The following DOCK1 variants were observed in gnomAD, a reference collection of about 807,000 sequenced individuals.
DOCK1 encodes dedicator of cytokinesis 1.
A neutral mutation model predicts 262.7 loss-of-function variants in DOCK1; 138 were observed. The ratio of observed to expected loss-of-function variants is 0.53; its 90% CI spans 0.46 to 0.61. The LOEUF is 0.61. DOCK1 is among the 20% of genes least tolerant of loss of function. DOCK1 has a pLI of 0.00. For synonymous variants in DOCK1, 866 were observed against 867.4 expected, an observed-to-expected ratio of 1.00 and a Z score of 0.03; for missense variants, 1,908 against 2,370.7, an observed-to-expected ratio of 0.80 and a Z score of 4.05.
chr10:127,192,701 T>A (rs1166125384), intron 27 of DOCK1: 1 of 152,214 alleles, frequency 6.6e-6, no homozygotes, highest in East Asian at 1.9e-4. Flanking sequence ...CTTGGTTGCC[T>A]GGAGATACCT....
In DOCK1 at chr10:126,990,523, A is replaced by G. The variant is rs773583444; in HGVS notation, c.393A>G (p.Gln131=). The G allele has an allele frequency of 1.2e-6, 2 of 1,613,840 alleles. No homozygotes were observed. Among genetic ancestry groups the G allele is most frequent in the South Asian group, 1.1e-5 (1 of 91,002 alleles). ...ATGACCTTATTGAATGGCGATCACA[A>G]ATTCTTTCTGGAACTCTGCCTCAGG... ...MIYDLIEWRS[Q]ILSGTLPQDE... The change falls in exon 6 of 52, where the codon CAA becomes CAG. Residue 131 remains glutamine (Q), a synonymous_variant. Transcript: ENST00000623213.
At chr10:127,286,786 A>C (rs1399339504) in intron 29 of DOCK1, among the ~76,000 whole-genome samples, 1 of 152,142 alleles carries the variant, frequency 6.6e-6, no homozygotes, top group Non-Finnish European at 1.5e-5. Flanking sequence ...TTAGTATCTA[A>C]ACAAGGTAAA....
chr10:127,006,035 T>C (rs1015667531), intron 10 of DOCK1, among the ~76,000 whole-genome samples: 3 of 152,238 alleles, frequency 2.0e-5, no homozygotes, highest in African/African-American at 7.2e-5. Flanking sequence ...AGTCCTTTGC[T>C]TTGGGCTCTG....
intron 37 of DOCK1, among the ~76,000 whole-genome samples, chr10:127,383,815 G>T (rs1279614719): frequency 6.6e-6 from 1 of 152,184 alleles, no homozygotes; most frequent in Non-Finnish European, 1.5e-5. Context: ...TGCTCACCGT[G>T]TCCTCCCGTG....
chr10:127,061,399 A>G (rs909604496), intron 22 of DOCK1, among the ~76,000 whole-genome samples: 3 of 151,990 alleles, frequency 2.0e-5, no homozygotes, highest in African/African-American at 7.3e-5. Context: ...TGTGTTTTTC[A>G]GATTTATAAG....
chr10:127,395,924 G>A (rs1318534881), intron 38 of DOCK1, among the ~76,000 whole-genome samples: 1 of 152,232 alleles, frequency 6.6e-6, no homozygotes, highest in Non-Finnish European at 1.5e-5. Flanking sequence ...TTGCTGCAGA[G>A]AGCAGATGGA....
Position 126,996,860 on chromosome 10 carries a change from G to C in DOCK1, c.586G>C (p.Glu196Gln), listed in dbSNP as rs775644781. 6.2e-7 allele frequency: 1 copy of C among 1,603,008 alleles called. No individual in the cohort carries two copies. Among genetic ancestry groups the C allele is most frequent in the Non-Finnish European group, 8.5e-7 (1 of 1,176,008 alleles). Residue 196 changes from glutamate (E) to glutamine (Q), a missense_variant, in exon 7 of 52, where the codon GAG (glutamate) becomes CAG (glutamine). Coordinates refer to ENST00000623213, the MANE Select transcript of DOCK1 (RefSeq NM_001290223.2). ...TCATGAAATAGCTTCTAAACAAGTGGAGGAAAGGTTACAAGAGGAAAAAGT... is the reference window on the plus strand; with the variant it reads ...TCATGAAATAGCTTCTAAACAAGTGCAGGAAAGGTTACAAGAGGAAAAAGT... ...RAHEIASKQV[E>Q]ERLQEEKSQK...
In DOCK1 at chr10:126,908,989, GCCCTAATCC is replaced by G. The variant is rs981015804; in HGVS notation, c.46+3429_46+3437del. Among the ~76,000 whole-genome samples the G allele has an allele frequency of 1.4e-4, 22 of 152,254 alleles. 1 individual carries two copies. The highest frequency in any genetic ancestry group is 5.1e-4 in the African/African-American group (21 of 41,538). On this transcript the variant is annotated intron_variant, in intron 1 of 51. Transcript: ENST00000623213. Reference sequence around the variant, plus strand: ...AATAATGGTCCCCAAAAAGGTCCACGCCCTAATCCCCAGACTCTGTGAATTCAATATGTT... The same window carrying G: ...AATAATGGTCCCCAAAAAGGTCCACGCCAGACTCTGTGAATTCAATATGTT...
intron 48 of DOCK1, among the ~76,000 whole-genome samples, chr10:127,436,402 C>T (rs1276865039): frequency 6.6e-6 from 1 of 152,110 alleles, no homozygotes; most frequent in African/African-American, 2.4e-5. Flanking sequence ...CCTGTAGTCT[C>T]AGCTACCTGG....
intron 38 of DOCK1, among the ~76,000 whole-genome samples, chr10:127,392,966 G>T (rs908352534): frequency 6.6e-6 from 1 of 152,094 alleles, no homozygotes; most frequent in Non-Finnish European, 1.5e-5. Flanking sequence ...ACAATCTTCC[G>T]TCCAAATGAC....
intron 29 of DOCK1, among the ~76,000 whole-genome samples, chr10:127,291,846 A>AT (rs2061355275): frequency 6.6e-6 from 1 of 152,186 alleles, no homozygotes; most frequent in Non-Finnish European, 1.5e-5. Flanking sequence ...GACATAAATC[A>AT]TCTTTTAAAC....
intron 29 of DOCK1, among the ~76,000 whole-genome samples, chr10:127,314,238 A>G (rs2135518750): frequency 6.6e-6 from 1 of 152,328 alleles, no homozygotes; most frequent in East Asian, 1.9e-4. Context: ...GGGAGTATTT[A>G]GCTTCAAGTT....
At chr10:127,122,005 T>C (rs1339725121) in intron 25 of DOCK1, among the ~76,000 whole-genome samples, 2 of 152,182 alleles carry the variant, frequency 1.3e-5, no homozygotes, top group African/African-American at 4.8e-5. Flanking sequence ...CTTATGGAGA[T>C]TGCATATCAG....
intron 18 of DOCK1, among the ~76,000 whole-genome samples, chr10:127,036,992 AAAAAAG>A (rs1564751772): frequency 6.6e-6 from 1 of 150,770 alleles, no homozygotes; most frequent in East Asian, 1.9e-4. Context: ...AAAAAAAAAA[AAAAAAG>A]AAAAAGAATA....
chr10:127,226,770 C>CAAACAAAA (rs1554924200), intron 27 of DOCK1, among the ~76,000 whole-genome samples: 29 of 151,564 alleles, frequency 1.9e-4, no homozygotes, highest in Non-Finnish European at 3.7e-4. Context: ...AACAAACAAA[C>CAAACAAAA]AAAAAAAAGA....
chr10:127,016,978 C>T (rs1373080917), intron 12 of DOCK1, among the ~76,000 whole-genome samples: 3 of 106,780 alleles, frequency 2.8e-5, no homozygotes, highest in East Asian at 2.9e-4. Flanking sequence ...TACATACACA[C>T]GCACACACAC....
At chr10:126,908,143 A>T (rs1193528135) in intron 1 of DOCK1, among the ~76,000 whole-genome samples, 1 of 152,004 alleles carries the variant, frequency 6.6e-6, no homozygotes, top group Non-Finnish European at 1.5e-5. Flanking sequence ...GTGGGAGGGG[A>T]GCTGAGCATG....
chr10:127,019,584 A>G (rs1406267929), intron 13 of DOCK1, among the ~76,000 whole-genome samples: 1 of 152,052 alleles, frequency 6.6e-6, no homozygotes, highest in African/African-American at 2.4e-5. Context: ...CCGTCTTGAC[A>G]AAAAAATAAA....
chr10:127,255,494 C>T (rs1487705703), intron 28 of DOCK1, among the ~76,000 whole-genome samples: 1 of 151,974 alleles, frequency 6.6e-6, no homozygotes, highest in Non-Finnish European at 1.5e-5. Flanking sequence ...ACTTGGAGAC[C>T]CTAGTGGAAC....
Sources: allele counts gnomAD v4.1 joint callset (sites outside exome capture counted in the v4.1 genomes callset), GRCh38; gene constraint gnomAD v4.1.1; transcripts MANE v1.5; gene names NCBI Gene and HGNC (gene_info 2026-07-23, HGNC 2026-07-21).